Variants in TIAM1 observed in about 807,000 individuals in gnomAD.
TIAM1 encodes the protein TIAM Rac1 associated GEF 1, also known as rho guanine nucleotide exchange factor TIAM1.
In TIAM1, 65 loss-of-function variants were observed where a neutral mutation model predicts 163.5. The observed-to-expected ratio is 0.40, with a 90% CI of 0.33 to 0.49. The LOEUF (loss-of-function observed/expected upper bound fraction) is 0.49, where lower values mean the gene tolerates loss of function less well. Among genes scored for constraint, TIAM1 ranks in the 20% least tolerant of loss-of-function variants. The pLI is 0.77. For synonymous variants in TIAM1, 833 were observed against 810.1 expected, an observed-to-expected ratio of 1.03 and a Z score of -0.48; for missense variants, 1,789 against 2,044.7, an observed-to-expected ratio of 0.87 and a Z score of 2.41.
chr21:31,465,869 C>T (rs1323654009), intron 1 of TIAM1, among the ~76,000 whole-genome samples: 1 of 151,924 alleles, frequency 6.6e-6, no homozygotes, highest in African/African-American at 2.4e-5. Context: ...CCGCACCTGG[C>T]TAATTTTTTT....
chr21:31,127,224 T>A, intron 25 of TIAM1, 72 bp from the exon 26 acceptor site: 4 of 1,408,030 alleles, frequency 2.8e-6, no homozygotes, highest in Non-Finnish European at 4.0e-6. Context: ...GCAAAAGCAT[T>A]TTTCAGCTGT....
At chr21:31,472,245 G>C (rs2045769775) in intron 1 of TIAM1, among the ~76,000 whole-genome samples, 1 of 151,930 alleles carries the variant, frequency 6.6e-6, no homozygotes, top group East Asian at 1.9e-4. Flanking sequence ...ATAGTGTCTG[G>C]GCCAGGCTCA....
intron 1 of TIAM1, among the ~76,000 whole-genome samples, chr21:31,525,038 G>A (rs530928504): frequency 9.2e-5 from 14 of 152,196 alleles, no homozygotes; most frequent in African/African-American, 2.4e-4. Context: ...GAGCGAGCAT[G>A]TCACGTGGCA....
intron 5 of TIAM1, among the ~76,000 whole-genome samples, chr21:31,245,895 C>T (rs1330697401): frequency 6.6e-6 from 1 of 152,146 alleles, no homozygotes; most frequent in Non-Finnish European, 1.5e-5. Context: ...TGCATGCCCT[C>T]AAGTTCTCTC....
intron 2 of TIAM1, among the ~76,000 whole-genome samples, chr21:31,369,089 G>A (rs1331173902): frequency 1.3e-5 from 2 of 152,046 alleles, no homozygotes; most frequent in Non-Finnish European, 2.9e-5. Flanking sequence ...AGCCGGCCGT[G>A]GTGGCGGGAG....
At chr21:31,491,147 A>AG (rs1192471723) in intron 1 of TIAM1, among the ~76,000 whole-genome samples, 4 of 129,474 alleles carry the variant, frequency 3.1e-5, no homozygotes, top group Non-Finnish European at 1.8e-5. Context: ...AAAGAACGAA[A>AG]GAAAGGAAGG....
chr21:31,144,830 G>GAAAAAAAAAAAA (rs764835303), intron 20 of TIAM1, among the ~76,000 whole-genome samples: 38 of 74,460 alleles, frequency 5.1e-4, no homozygotes, highest in African/African-American at 7.0e-4. Context: ...CTCCATCTCA[G>GAAAAAAAAAAAA]AAAAAAAAAA....
intron 2 of TIAM1, among the ~76,000 whole-genome samples, chr21:31,334,225 G>A (rs2075769956): frequency 6.6e-6 from 1 of 151,654 alleles, no homozygotes; most frequent in African/African-American, 2.4e-5. Flanking sequence ...CTTTGAAGAG[G>A]GATTCTGCTG....
intron 2 of TIAM1, among the ~76,000 whole-genome samples, chr21:31,457,364 CATG>C (rs1363373257): frequency 6.6e-6 from 1 of 152,146 alleles, no homozygotes; most frequent in Non-Finnish European, 1.5e-5. Context: ...TGAAAAAGAT[CATG>C]ATAATGACAG....
At chr21:31,542,591 T>C (rs1020766802) in intron 1 of TIAM1, among the ~76,000 whole-genome samples, 1 of 152,178 alleles carries the variant, frequency 6.6e-6, no homozygotes, top group African/African-American at 2.4e-5. Context: ...TTTCTACACA[T>C]AGGCTCAGTA....
At chr21:31,227,988 C>T (rs1020352871) in intron 6 of TIAM1, among the ~76,000 whole-genome samples, 6 of 151,858 alleles carry the variant, frequency 4.0e-5, no homozygotes, top group African/African-American at 9.7e-5. Flanking sequence ...CTGCAACCTC[C>T]GCCTCCCGAG....
chr21:31,476,559 C>G (rs534611559), intron 1 of TIAM1, among the ~76,000 whole-genome samples: 40 of 152,306 alleles, frequency 2.6e-4, no homozygotes, highest in African/African-American at 9.4e-4. Context: ...TGACAACAAT[C>G]ATAAATATCC....
At chr21:31,353,603 A>G (rs925499928) in intron 2 of TIAM1, among the ~76,000 whole-genome samples, 5 of 152,074 alleles carry the variant, frequency 3.3e-5, no homozygotes, top group African/African-American at 1.2e-4. Context: ...GGTACTACTT[A>G]TTACTAGACC....
At chr21:31,310,353 A>G (rs2146986407) in intron 2 of TIAM1, among the ~76,000 whole-genome samples, 1 of 152,292 alleles carries the variant, frequency 6.6e-6, no homozygotes, top group Admixed American at 6.5e-5. Flanking sequence ...ACATGGCGAG[A>G]GAGAAAGCAG....
intron 2 of TIAM1, among the ~76,000 whole-genome samples, chr21:31,332,517 C>T (rs1002198320): frequency 6.6e-6 from 1 of 152,086 alleles, no homozygotes; most frequent in African/African-American, 2.4e-5. Context: ...TAATGAAATA[C>T]TAACTAGCAA....
intron 2 of TIAM1, among the ~76,000 whole-genome samples, chr21:31,438,232 C>T (rs2147294388): frequency 7.9e-6 from 1 of 126,892 alleles, no homozygotes; most frequent in Non-Finnish European, 1.6e-5. Flanking sequence ...CACTGTGTTG[C>T]CCAGACTGGA....
intron 1 of TIAM1, among the ~76,000 whole-genome samples, chr21:31,543,036 T>C (rs560502496): frequency 6.6e-6 from 1 of 152,220 alleles, no homozygotes; most frequent in South Asian, 2.1e-4. Context: ...CAAAGGCATA[T>C]CGGTGCGATG....
At position 31,344,139 on chromosome 21, in the gene TIAM1, G is replaced by C. The variant is rs701726; in HGVS notation, c.-370C>G. The C allele has an allele frequency of 0.72, 108,893 of 152,178 alleles. 39,663 individuals carry two copies. The highest frequency in any genetic ancestry group is 0.85 in the African/African-American group (35,104 of 41,514). 9.4% of individuals were successfully genotyped at this position (152,178 alleles called of 1,614,324 possible). ...ATCGATTTCAAAATTCAAGCTCACC[G>C]CTGCTCAACAAGGCGCGCACGTTTC... On this transcript the variant is annotated splice_region_variant and 5_prime_UTR_variant, in exon 1 of 28. Coordinates refer to ENST00000541036, the MANE Select transcript of TIAM1 (RefSeq NM_001353694.2).
At chr21:31,134,160 CTT>C (rs2082526648) in intron 23 of TIAM1, among the ~76,000 whole-genome samples, 1 of 152,146 alleles carries the variant, frequency 6.6e-6, no homozygotes, top group African/African-American at 2.4e-5. Flanking sequence ...TTCTAAATCT[CTT>C]GATTTCTAAC....
Sources: allele counts gnomAD v4.1 joint callset (sites outside exome capture counted in the v4.1 genomes callset), GRCh38; gene constraint gnomAD v4.1.1; transcripts MANE v1.5; gene names NCBI Gene and HGNC (gene_info 2026-07-23, HGNC 2026-07-21).